TRPM3: variants seen among roughly 807,000 people sequenced by gnomAD.
TRPM3 encodes the protein long transient receptor potential channel 3.
Under a neutral mutation model 181.2 loss-of-function variants are expected in TRPM3, and 77 were observed. That is an observed-to-expected ratio of 0.42 (90% CI 0.35 to 0.51). The LOEUF (loss-of-function observed/expected upper bound fraction) is 0.51, where lower values mean the gene tolerates loss of function less well. Ranked by LOEUF, TRPM3 falls within the 20% of genes least tolerant of loss-of-function variation. TRPM3 has a pLI of 0.01. For missense variants in TRPM3, 1,759 were observed against 2,196.7 expected (o/e 0.80, Z 3.98); for synonymous variants, 745 against 796.4 (o/e 0.94, Z 1.09).
intron 1 of TRPM3, among the ~76,000 whole-genome samples, chr9:71,218,548 T>C (rs2080043013): frequency 6.6e-6 from 1 of 152,218 alleles, no homozygotes; most frequent in African/African-American, 2.4e-5. Context: ...CAAGAGTGAA[T>C]TTAATTTTCC....
intron 1 of TRPM3, among the ~76,000 whole-genome samples, chr9:71,284,530 G>A (rs940728204): frequency 1.3e-5 from 2 of 152,132 alleles, no homozygotes; most frequent in East Asian, 1.9e-4. Flanking sequence ...CCTAATAAAC[G>A]CAGTACTGTT....
chr9:71,414,275 T>C (rs917961323), intron 1 of TRPM3, among the ~76,000 whole-genome samples: 1 of 151,660 alleles, frequency 6.6e-6, no homozygotes, highest in African/African-American at 2.4e-5. Flanking sequence ...ATAGGATGGA[T>C]TTTATTTCTG....
intron 6 of TRPM3, among the ~76,000 whole-genome samples, chr9:70,796,781 C>T (rs2087155625): frequency 6.6e-6 from 1 of 152,132 alleles, no homozygotes; most frequent in African/African-American, 2.4e-5. Flanking sequence ...GTATTACCAA[C>T]ATATCATACA....
intron 5 of TRPM3, among the ~76,000 whole-genome samples, chr9:70,828,824 G>A (rs749251525): frequency 8.6e-5 from 13 of 151,576 alleles, no homozygotes; most frequent in Non-Finnish European, 1.9e-4. Flanking sequence ...TTTTGTAGGC[G>A]AAGAAACTAA....
chr9:70,810,255 A>C (rs1588669612), intron 6 of TRPM3, among the ~76,000 whole-genome samples: 1 of 131,122 alleles, frequency 7.6e-6, no homozygotes, highest in Non-Finnish European at 1.6e-5. Context: ...GCTTGCCTCC[A>C]CCCTCACCCT....
chr9:70,620,770 G>A (rs751875443), intron 15 of TRPM3, among the ~76,000 whole-genome samples: 10 of 151,814 alleles, frequency 6.6e-5, no homozygotes, highest in Non-Finnish European at 1.3e-4. Context: ...ACAAAAGATG[G>A]CAAATGGATA....
At chr9:71,154,579 GA>G (rs1054470471) in intron 1 of TRPM3, among the ~76,000 whole-genome samples, 16 of 152,090 alleles carry the variant, frequency 1.1e-4, no homozygotes, top group African/African-American at 3.9e-4. Context: ...TCTATCTGAA[GA>G]AGCCTTCTCC....
chr9:71,115,781 A>G (rs1384656595), intron 1 of TRPM3, among the ~76,000 whole-genome samples: 1 of 152,176 alleles, frequency 6.6e-6, no homozygotes, highest in Non-Finnish European at 1.5e-5. Context: ...TCCACAAAAA[A>G]GGTCATCAGG....
chr9:70,881,673 G>A (rs1041936302), intron 1 of TRPM3, among the ~76,000 whole-genome samples: 2 of 152,174 alleles, frequency 1.3e-5, no homozygotes, highest in Non-Finnish European at 2.9e-5. Flanking sequence ...AGACTTAGCA[G>A]AATAATTACA....
chr9:71,375,570 C>T (rs2092646202), intron 1 of TRPM3, among the ~76,000 whole-genome samples: 1 of 152,290 alleles, frequency 6.6e-6, no homozygotes, highest in African/African-American at 2.4e-5. Flanking sequence ...AAGAAACCAT[C>T]ATCAGAGTAA....
chr9:71,034,859 A>G (rs752620819), intron 1 of TRPM3, among the ~76,000 whole-genome samples: 2 of 152,040 alleles, frequency 1.3e-5, no homozygotes, highest in Non-Finnish European at 2.9e-5. Context: ...GTCCATATAT[A>G]TGTATATATG....
At chr9:71,163,330 A>ATAGGTAGG (rs58180875) in intron 1 of TRPM3, among the ~76,000 whole-genome samples, 2 of 151,568 alleles carry the variant, frequency 1.3e-5, no homozygotes, top group Non-Finnish European at 2.9e-5. Flanking sequence ...GAAACAAGAT[A>ATAGGTAGG]TAGGTAGGTA....
chr9:71,158,524 T>G (rs2076114831), intron 1 of TRPM3, among the ~76,000 whole-genome samples: 1 of 152,150 alleles, frequency 6.6e-6, no homozygotes, highest in Non-Finnish European at 1.5e-5. Flanking sequence ...AAGTGGAAAT[T>G]ACAAAGGATT....
intron 1 of TRPM3, among the ~76,000 whole-genome samples, chr9:71,373,859 T>C (rs546024680): frequency 2.3e-3 from 353 of 152,282 alleles, no homozygotes; most frequent in Non-Finnish European, 4.3e-3. Flanking sequence ...TTGATGAACA[T>C]TGATGCAAAA....
chr9:70,746,476 C>T (rs1254894490), intron 8 of TRPM3, among the ~76,000 whole-genome samples: 1 of 152,042 alleles, frequency 6.6e-6, no homozygotes, highest in Non-Finnish European at 1.5e-5. Flanking sequence ...GAGTTGGCCT[C>T]CAGAGACTTA....
intron 8 of TRPM3, among the ~76,000 whole-genome samples, chr9:70,758,591 C>A (rs1302447863): frequency 6.6e-6 from 1 of 152,108 alleles, no homozygotes. Context: ...TACTGGGAGG[C>A]TACAGTAACC....
chr9:70,864,521 A>AAAAC lies in TRPM3; in HGVS notation c.178-14_178-11dup. The AAAAC allele has an allele frequency of 1.4e-6, 2 of 1,410,574 alleles. No homozygotes were observed. Among genetic ancestry groups the AAAAC allele is most frequent in the Non-Finnish European group, 1.9e-6 (2 of 1,080,860 alleles). The allele number at this position is 1,410,574 out of a possible 1,614,324, so 87.4% of individuals were successfully genotyped here. On this transcript the variant is annotated splice_polypyrimidine_tract_variant and intron_variant, in intron 1 of 25. Coordinates refer to ENST00000677713, the MANE Select transcript of TRPM3 (RefSeq NM_001366145.2). Reference sequence around the variant, plus strand: ...TCCAGGATTTCTGAGCCTGAAAAAGAAAACAAAAAAAAAAAAAAAAGAAAA... The same window carrying AAAAC: ...TCCAGGATTTCTGAGCCTGAAAAAGAAAACAAACAAAAAAAAAAAAAAAAGAAAA...
In TRPM3 at chr9:70,574,984, C is replaced by G. The variant is rs141693373; in HGVS notation, c.3223+16047G>C. Among the ~76,000 whole-genome samples the G allele has an allele frequency of 1.5e-3, 229 of 151,564 alleles. 1 individual carries two copies. Among genetic ancestry groups the G allele is most frequent in the African/African-American group, 5.4e-3 (224 of 41,284 alleles). On this transcript the variant is annotated intron_variant, in intron 22 of 25. Coordinates refer to ENST00000677713, the MANE Select transcript of TRPM3 (RefSeq NM_001366145.2). ...CCCAACAGGGTCTCACTCTGTCACC[C>G]AGGCTGGAGTACAGTGGCACAATCA...
intron 1 of TRPM3, among the ~76,000 whole-genome samples, chr9:71,014,453 T>C (rs766458642): frequency 9.2e-5 from 14 of 152,122 alleles, no homozygotes; most frequent in African/African-American, 1.9e-4. Context: ...TTGACTTGTT[T>C]GTGTGTGAGA....
Sources: allele counts gnomAD v4.1 joint callset (sites outside exome capture counted in the v4.1 genomes callset), GRCh38; gene constraint gnomAD v4.1.1; transcripts MANE v1.5; gene names NCBI Gene and HGNC (gene_info 2026-07-23, HGNC 2026-07-21).